PIP5K1B: variants seen among roughly 807,000 people sequenced by gnomAD.
The protein encoded by PIP5K1B is phosphatidylinositol 4-phosphate 5-kinase type-1 beta.
A neutral mutation model predicts 67.0 loss-of-function variants in PIP5K1B; 42 were observed. The observed-to-expected ratio is 0.63, with a 90% confidence interval of 0.49 to 0.81. The LOEUF is 0.81. Among genes scored for constraint, PIP5K1B ranks in the 30% least tolerant of loss-of-function variants. PIP5K1B has a pLI of 0.00. For missense variants in PIP5K1B, 459 were observed against 646.3 expected, an observed-to-expected ratio of 0.71 and a Z score of 3.14; for synonymous variants, 214 against 231.4, an observed-to-expected ratio of 0.92 and a Z score of 0.68.
chr9:68,725,431 TGAG>T (rs1828103962), intron 1 of PIP5K1B, among the ~76,000 whole-genome samples: 2 of 152,324 alleles, frequency 1.3e-5, no homozygotes, highest in South Asian at 4.1e-4. Context: ...TGAGGACCTT[TGAG>T]GTCCTTAGAA....
chr9:68,731,045 A>G (rs576839295), intron 1 of PIP5K1B, among the ~76,000 whole-genome samples: 23 of 152,336 alleles, frequency 1.5e-4, no homozygotes, highest in Middle Eastern at 6.8e-3. Context: ...CATAATCTTC[A>G]CTGTCAAGGA....
Position 69,008,815 on chromosome 9 carries a change from T to C in PIP5K1B, c.*366T>C, listed in dbSNP as rs986994379. 6 of 203,554 alleles carry C rather than the reference T, an allele frequency of 2.9e-5. No homozygotes were observed. Among genetic ancestry groups the C allele is most frequent in the Admixed American group, 1.0e-4 (2 of 19,196 alleles). 12.6% of individuals were successfully genotyped at this position (203,554 alleles called of 1,614,324 possible). Reference sequence around the variant, plus strand: ...ATCCAGTGATTATACATAAGCAACATATGTAATCTGCTTATATATTTTTAA... The same window carrying C: ...ATCCAGTGATTATACATAAGCAACACATGTAATCTGCTTATATATTTTTAA... On this transcript the variant is annotated 3_prime_UTR_variant, in exon 16 of 16. Coordinates refer to ENST00000265382, the MANE Select transcript of PIP5K1B (RefSeq NM_003558.4).
At chr9:68,976,166 G>A (rs1477475525) in intron 14 of PIP5K1B, among the ~76,000 whole-genome samples, 2 of 152,326 alleles carry the variant, frequency 1.3e-5, no homozygotes, top group East Asian at 1.9e-4. Flanking sequence ...TGCCATTGAG[G>A]TGTAGTACAG....
chr9:68,964,305 G>C (rs998747792), intron 14 of PIP5K1B, among the ~76,000 whole-genome samples: 2 of 152,166 alleles, frequency 1.3e-5, no homozygotes, highest in African/African-American at 4.8e-5. Context: ...TTTATAAAAG[G>C]ATGATTATGA....
chr9:68,789,484 T>C (rs1255489881), intron 2 of PIP5K1B: 1 of 519,812 alleles, frequency 1.9e-6, no homozygotes, highest in Non-Finnish European at 3.9e-6. Context: ...AAAAAGATCT[T>C]GTGGTGGTAA....
intron 12 of PIP5K1B, among the ~76,000 whole-genome samples, chr9:68,924,512 A>C (rs750974194): frequency 1.3e-5 from 2 of 151,966 alleles, no homozygotes; most frequent in Non-Finnish European, 2.9e-5. Flanking sequence ...CAAAGCTAAC[A>C]GTGCTTATTC....
intron 2 of PIP5K1B, among the ~76,000 whole-genome samples, chr9:68,765,719 G>C (rs960009875): frequency 2.6e-5 from 4 of 152,112 alleles, no homozygotes; most frequent in Non-Finnish European, 5.9e-5. Context: ...AGTAACTTTT[G>C]AAAATGCAAA....
intron 4 of PIP5K1B, among the ~76,000 whole-genome samples, chr9:68,842,693 G>A (rs957147720): frequency 5.5e-4 from 84 of 152,306 alleles, no homozygotes; most frequent in African/African-American, 1.9e-3. Context: ...TTTATGTCTG[G>A]AGGAAGTGGT....
chr9:68,876,935 A>G, intron 6 of PIP5K1B, 141 bp downstream of exon 6: 1 of 583,098 alleles, frequency 1.7e-6, no homozygotes, highest in Non-Finnish European at 3.0e-6. Flanking sequence ...TATAATGATT[A>G]TAAATTTAGC....
chr9:68,752,680 T>A (rs1829695282), intron 2 of PIP5K1B, among the ~76,000 whole-genome samples: 1 of 152,154 alleles, frequency 6.6e-6, no homozygotes, highest in Admixed American at 6.5e-5. Flanking sequence ...AATGTATCCT[T>A]TAGTCAGTCT....
intron 2 of PIP5K1B, among the ~76,000 whole-genome samples, chr9:68,765,738 A>T (rs141759171): frequency 6.6e-6 from 1 of 152,318 alleles, no homozygotes; most frequent in African/African-American, 2.4e-5. Flanking sequence ...AACTTAAAAA[A>T]GTGCCACTTT....
chr9:68,716,485 T>G (rs2132251096), intron 1 of PIP5K1B, among the ~76,000 whole-genome samples: 1 of 152,322 alleles, frequency 6.6e-6, no homozygotes, highest in South Asian at 2.1e-4. Flanking sequence ...GAAAAAATGC[T>G]TATCATCACT....
intron 14 of PIP5K1B, among the ~76,000 whole-genome samples, chr9:68,990,449 G>A (rs990318087): frequency 2.0e-5 from 3 of 151,850 alleles, no homozygotes; most frequent in East Asian, 1.9e-4. Flanking sequence ...TGCTAATGAT[G>A]CACAAGGTTA....
intron 1 of PIP5K1B, among the ~76,000 whole-genome samples, chr9:68,738,986 A>G (rs1828873658): frequency 6.6e-6 from 1 of 152,064 alleles, no homozygotes; most frequent in South Asian, 2.1e-4. Context: ...AAAGTTCTCC[A>G]TGGCTTTACC....
intron 8 of PIP5K1B, among the ~76,000 whole-genome samples, chr9:68,901,317 T>C (rs1825341739): frequency 6.6e-6 from 1 of 152,184 alleles, no homozygotes; most frequent in Non-Finnish European, 1.5e-5. Flanking sequence ...TATAGTGTAG[T>C]GCATAATCTC....
intron 5 of PIP5K1B, among the ~76,000 whole-genome samples, chr9:68,871,326 C>G (rs571998871): frequency 6.6e-6 from 1 of 152,302 alleles, no homozygotes; most frequent in East Asian, 1.9e-4. Flanking sequence ...TTCTGCTGTT[C>G]TGATGTGAGT....
At chr9:68,879,453 A>G (rs1824063099) in intron 6 of PIP5K1B, among the ~76,000 whole-genome samples, 1 of 152,216 alleles carries the variant, frequency 6.6e-6, no homozygotes, top group Non-Finnish European at 1.5e-5. Context: ...CTGTAATCCC[A>G]GCTACTCGGG....
chr9:68,736,012 T>C (rs1323515010), intron 1 of PIP5K1B, among the ~76,000 whole-genome samples: 1 of 151,410 alleles, frequency 6.6e-6, no homozygotes, highest in Non-Finnish European at 1.5e-5. Context: ...TGAGATGGAG[T>C]GAGTGAGGAC....
Position 68,923,306 on chromosome 9 carries a change from CTG to C in PIP5K1B, c.1123_1124del (p.Val375PhefsTer4), listed in dbSNP as rs1292271639. On this transcript the variant is annotated frameshift_variant, in exon 12 of 16. Coordinates refer to ENST00000265382, the MANE Select transcript of PIP5K1B (RefSeq NM_003558.4). LOFTEE classifies it high-confidence loss of function. ...CCTGGGTTTTTGTCTTTTCAGGACACTGTTTCTGTTCATAGACCAAGCTTTTA... is the reference window on the plus strand; with the variant it reads ...CCTGGGTTTTTGTCTTTTCAGGACACTTTCTGTTCATAGACCAAGCTTTTA... 2 of 1,586,286 alleles carry C rather than the reference CTG, an allele frequency of 1.3e-6. No homozygotes were observed. The highest frequency in any genetic ancestry group is 1.7e-6 in the Non-Finnish European group (2 of 1,159,206).
Sources: allele counts gnomAD v4.1 joint callset (sites outside exome capture counted in the v4.1 genomes callset), GRCh38; gene constraint gnomAD v4.1.1; transcripts MANE v1.5; gene names NCBI Gene and HGNC (gene_info 2026-07-23, HGNC 2026-07-21).